The following GDF3 variants were observed in gnomAD, a reference collection of about 807,000 sequenced individuals.
GDF3 encodes the protein growth differentiation factor 3, also known as growth/differentiation factor 3.
In GDF3, 10 loss-of-function variants were observed where a neutral mutation model predicts 10.2. The ratio of observed to expected loss-of-function variants is 0.98; its 90% CI spans 0.60 to 1.66. The LOEUF is 1.66. Among genes scored for constraint, GDF3 ranks in the 40% most tolerant of loss-of-function variants. The pLI is 0.00. For missense variants in GDF3, 450 were observed against 438.3 expected, an observed-to-expected ratio of 1.03 and a Z score of -0.24; for synonymous variants, 166 against 178.5, an observed-to-expected ratio of 0.93 and a Z score of 0.56.
At chr12:7,691,869 A>T (rs1384282929) in intron 1 of GDF3, among the ~76,000 whole-genome samples, 5 of 151,786 alleles carry the variant, frequency 3.3e-5, no homozygotes, top group African/African-American at 4.8e-5. Flanking sequence ...TAGCCGGGCA[A>T]GGTGGAGGGT....
rs769803129 is a variant in GDF3 at position 7,692,307 on chromosome 12, G to A, written c.269-1603C>T. ...TAGCCGGGCAGGGTGGCACATGCCT[G>A]TAATCCCAGCTACTCGGGAGGCTGA... On this transcript the variant is annotated intron_variant, in intron 1 of 1. Transcript: ENST00000329913. Among the ~76,000 whole-genome samples, 5 of 151,968 alleles carry A rather than the reference G, an allele frequency of 3.3e-5. No homozygotes were observed. The East Asian group carries it at 9.9e-4, about 30-fold the overall frequency.
Position 7,695,647 on chromosome 12 carries a change from C to A in GDF3, c.82G>T (p.Val28Phe). Residue 28 changes from valine (V) to phenylalanine (F), a missense_variant, in exon 1 of 2, where the codon GTC becomes TTC. Transcript: ENST00000329913. ...TCTAAGCCCAGAAATTGGAGAAAGA[C>A]ATATTCTTGAAATTGGACTGCCTGG... ...LGQAVQFQEY[V>F]FLQFLGLDKA... 1 of 1,614,134 alleles carries A rather than the reference C, an allele frequency of 6.2e-7. No individual in the cohort carries two copies. Among genetic ancestry groups the A allele is most frequent in the Non-Finnish European group, 8.5e-7 (1 of 1,179,976 alleles).
chr12:7,695,458 T>C lies in GDF3; in HGVS notation c.268+3A>G, dbSNP rs1864172969. The C allele has an allele frequency of 1.9e-6, 3 of 1,613,786 alleles. No homozygotes were observed. The highest frequency in any genetic ancestry group is 2.7e-5 in the African/African-American group (2 of 75,024). On this transcript the variant is annotated splice_donor_region_variant and intron_variant, in intron 1 of 1. Transcript: ENST00000329913. ...TTTTCTGGATAACACTCTATTTCCT[T>C]ACCTTGGTCTGGGAGAAAGCGAAGT... is the stretch of plus-strand genomic sequence containing the variant.
At chr12:7,691,595 C>G (rs1040216828) in intron 1 of GDF3, among the ~76,000 whole-genome samples, 1 of 151,624 alleles carries the variant, frequency 6.6e-6, no homozygotes, top group African/African-American at 2.4e-5. Context: ...AAACAAAACA[C>G]TTATGCTAAC....
chr12:7,695,526 C>G lies in GDF3; in HGVS notation c.203G>C (p.Arg68Pro), dbSNP rs372020374. The change falls in exon 1 of 2, where the codon CGA becomes CCA. Residue 68 changes from arginine to proline, a missense_variant. Physicochemically the swap from Arg to Pro is moderately radical, Grantham distance 103. Coordinates refer to ENST00000329913, the MANE Select transcript of GDF3 (RefSeq NM_020634.3). The stretch of plus-strand genomic sequence containing the variant: ...CAGCTCCTTTACGTAGCATAAGTCT[C>G]GGGAGACCCCAGTGGTCGCTGCTGC... ...REAAATTGVS[R>P]DLCYVKELGV... The G allele has an allele frequency of 1.2e-5, 20 of 1,614,116 alleles. No homozygotes were observed. Among genetic ancestry groups the G allele is most frequent in the Non-Finnish European group, 1.6e-5 (19 of 1,179,996 alleles).
chr12:7,695,316 T>G, intron 1 of GDF3, 145 bp downstream of exon 1: 2 of 846,820 alleles, frequency 2.4e-6, no homozygotes, highest in South Asian at 3.0e-5. Flanking sequence ...TAACTTCCTC[T>G]CAGGATCGTG....
At chr12:7,691,325 A>T (rs1261542317) in intron 1 of GDF3, among the ~76,000 whole-genome samples, 9 of 152,198 alleles carry the variant, frequency 5.9e-5, no homozygotes, top group Non-Finnish European at 1.2e-4. Context: ...ATAGGTAACA[A>T]ATCCCAGTAA....
Position 7,695,455 on chromosome 12 carries a change from C to T in GDF3, c.268+6G>A. 1 of 1,613,702 alleles carries T rather than the reference C, an allele frequency of 6.2e-7. No homozygotes were observed. The highest frequency in any genetic ancestry group is 2.2e-5 in the East Asian group (1 of 44,878). On this transcript the variant is annotated splice_donor_region_variant and intron_variant, in intron 1 of 1. Coordinates refer to ENST00000329913, the MANE Select transcript of GDF3 (RefSeq NM_020634.3). ...TGTTTTTCTGGATAACACTCTATTT[C>T]CTTACCTTGGTCTGGGAGAAAGCGA...
At position 7,690,029 on chromosome 12, in the gene GDF3, G is replaced by A. The variant is rs1864108481; in HGVS notation, c.944C>T (p.Ala315Val). The A allele has an allele frequency of 1.2e-6, 2 of 1,613,840 alleles. No individual in the cohort carries two copies. The highest frequency in any genetic ancestry group is 1.3e-5 in the African/African-American group (1 of 75,012). Residue 315 changes from alanine to valine, a missense_variant, in exon 2 of 2, where the codon GCC (alanine) becomes GTC (valine). Physicochemically the swap from Ala to Val is moderately conservative, Grantham distance 64. Transcript: ENST00000329913. ...LNSSNYAFMQ[A>V]LMHAVDPEIP... is the part of the protein sequence containing the mutation. The stretch of plus-strand genomic sequence containing the variant: ...CTCTGGGTCAACGGCATGCATCAGG[G>A]CTTGCATGAAAGCATAATTGGAGCT...
intron 1 of GDF3, among the ~76,000 whole-genome samples, chr12:7,694,317 G>A (rs747080434): frequency 2.0e-5 from 3 of 151,994 alleles, no homozygotes; most frequent in Non-Finnish European, 2.9e-5. Context: ...AATCCCAGCA[G>A]TTTGGGAGGC....
At chr12:7,692,035 A>T (rs952292367) in intron 1 of GDF3, among the ~76,000 whole-genome samples, 1 of 152,024 alleles carries the variant, frequency 6.6e-6, no homozygotes, top group Admixed American at 6.6e-5. Flanking sequence ...AAAAAATAAA[A>T]AAAGTTTTAA....
In GDF3 at chr12:7,695,758, G is replaced by C; in HGVS notation, c.-30C>G. 1 of 1,613,134 alleles carries C rather than the reference G, an allele frequency of 6.2e-7. No individual in the cohort carries two copies. The highest frequency in any genetic ancestry group is 8.5e-7 in the Non-Finnish European group (1 of 1,179,494). On this transcript the variant is annotated 5_prime_UTR_variant, in exon 1 of 2. Transcript: ENST00000329913. ...TCTGGAGTGGCTGTCAGACCGGGGA[G>C]AGCTCCACTGCCAGACTGCCCAACA...
chr12:7,693,693 TC>T (rs34126604), intron 1 of GDF3, among the ~76,000 whole-genome samples: 1 of 150,564 alleles, frequency 6.6e-6, no homozygotes, highest in Non-Finnish European at 1.5e-5. Context: ...ATGCCTATAA[TC>T]CCAGCACTTT....
At chr12:7,694,634 G>A (rs145320858) in intron 1 of GDF3, among the ~76,000 whole-genome samples, 1 of 150,830 alleles carries the variant, frequency 6.6e-6, no homozygotes, top group Admixed American at 6.6e-5. Context: ...CACAGTTCCT[G>A]GCTCACCATA....
rs1037222646 is a variant in GDF3 at position 7,689,793 on chromosome 12, C to T, written c.*85G>A. The T allele has an allele frequency of 1.9e-4, 171 of 917,182 alleles. No individual in the cohort carries two copies. The African/African-American group carries it at 2.4e-3, about 13-fold the overall frequency. The allele number at this position is 917,182 out of a possible 1,614,324, so 56.8% of individuals were successfully genotyped here. On this transcript the variant is annotated 3_prime_UTR_variant, in exon 2 of 2. Transcript: ENST00000329913. ...TATAAACACAGGTATATTGACATTT[C>T]GATCTAAGTGGTCATAAACCAGATA...
chr12:7,690,005 T>C lies in GDF3; in HGVS notation c.968A>G (p.Glu323Gly), dbSNP rs1414716772. ...GGGGATACACACAGCCTGGGGGATC[T>C]CTGGGTCAACGGCATGCATCAGGGC... Reference protein sequence around the residue: ...MQALMHAVDPEIPQAVCIPTK... With the variant: ...MQALMHAVDPGIPQAVCIPTK... The change falls in exon 2 of 2, where the codon GAG (glutamate) becomes GGG (glycine). Residue 323 changes from glutamate (E) to glycine (G), a missense_variant. Coordinates refer to ENST00000329913, the MANE Select transcript of GDF3 (RefSeq NM_020634.3). The C allele has an allele frequency of 6.2e-7, 1 of 1,613,996 alleles. No individual in the cohort carries two copies. Among genetic ancestry groups the C allele is most frequent in the East Asian group, 2.2e-5 (1 of 44,880 alleles).
In GDF3 at chr12:7,695,738, A is replaced by G. The variant is rs1478645798; in HGVS notation, c.-10T>C. The G allele has an allele frequency of 1.2e-6, 2 of 1,613,854 alleles. No individual in the cohort carries two copies. The highest frequency in any genetic ancestry group is 1.7e-5 in the Admixed American group (1 of 59,970). On this transcript the variant is annotated 5_prime_UTR_variant, in exon 1 of 2. Coordinates refer to ENST00000329913, the MANE Select transcript of GDF3 (RefSeq NM_020634.3). ...GCAAGAAACGAAGCATGGCCTCTGGAGTGGCTGTCAGACCGGGGAGAGCTC... is the reference window on the plus strand; with the variant it reads ...GCAAGAAACGAAGCATGGCCTCTGGGGTGGCTGTCAGACCGGGGAGAGCTC...
In GDF3 at chr12:7,690,556, C is replaced by A. The variant is rs1331473247; in HGVS notation, c.417G>T (p.Leu139=). 1.2e-6 allele frequency: 2 copies of A among 1,607,488 alleles called. No individual in the cohort carries two copies. The highest frequency in any genetic ancestry group is 4.5e-5 in the East Asian group (2 of 44,788). ...ACAGAGCCAGTTCCAGCTCTGGTCC[C>A]AGGTTATAGTAAGAATTGGGCCCCA... The part of the protein sequence containing the change: ...LDLGPNSYYN[L]GPELELALFL... Residue 139 remains leucine, a synonymous_variant, in exon 2 of 2, where the codon CTG becomes CTT. Transcript: ENST00000329913.
chr12:7,690,157 G>A lies in GDF3; in HGVS notation c.816C>T (p.Asn272=). ...ACTTGTGCCAACCCAGGTCCCGGAA[G>A]TTAATGAATAGCTGGTGACGGTGGC... ...NLCHRHQLFI[N]FRDLGWHKWI... is the part of the protein sequence containing the mutation. The change falls in exon 2 of 2, where the codon AAC becomes AAT. Residue 272 remains asparagine (N), a synonymous_variant. Coordinates refer to ENST00000329913, the MANE Select transcript of GDF3 (RefSeq NM_020634.3). 1.2e-6 allele frequency: 2 copies of A among 1,614,200 alleles called. No homozygotes were observed. The highest frequency in any genetic ancestry group is 2.2e-5 in the South Asian group (2 of 91,080).
Sources: gnomAD v4.1 joint callset for allele counts (sites outside exome capture counted in the v4.1 genomes callset) on GRCh38, gnomAD v4.1.1 for gene constraint, MANE v1.5 for transcripts, NCBI Gene and HGNC (gene_info 2026-07-23, HGNC 2026-07-21) for gene names.